ATP8A1: variants seen among roughly 807,000 people sequenced by gnomAD.
The protein encoded by ATP8A1 is ATPase phospholipid transporting 8A1.
Under a neutral mutation model 177.7 loss-of-function variants are expected in ATP8A1, and 90 were observed. The observed-to-expected ratio is 0.51, with a 90% CI of 0.43 to 0.60. The LOEUF (loss-of-function observed/expected upper bound fraction) is 0.60. Among genes scored for constraint, ATP8A1 ranks in the 20% least tolerant of loss-of-function variants. The probability of loss-of-function intolerance (pLI) is 0.00; values close to 1 mark genes in which losing one functional copy is unlikely to be tolerated. For synonymous variants in ATP8A1, 493 were observed against 485.9 expected, an observed-to-expected ratio of 1.01 and a Z score of -0.19; for missense variants, 1,072 against 1,392.8, an observed-to-expected ratio of 0.77 and a Z score of 3.67.
intron 15 of ATP8A1, among the ~76,000 whole-genome samples, chr4:42,558,120 G>C (rs1457997085): frequency 6.6e-6 from 1 of 152,062 alleles, no homozygotes; most frequent in Non-Finnish European, 1.5e-5. Flanking sequence ...AGCCTGGGTT[G>C]GATAACTCTG....
intron 20 of ATP8A1, among the ~76,000 whole-genome samples, chr4:42,537,146 A>AC (rs1553898793): frequency 0.019 from 2,789 of 145,546 alleles, 83 homozygotes; most frequent in African/African-American, 0.066. Context: ...AAAAAAAAAA[A>AC]CAAAAAAACC....
At chr4:42,558,466 T>C (rs775861846) in intron 15 of ATP8A1, among the ~76,000 whole-genome samples, 1 of 152,228 alleles carries the variant, frequency 6.6e-6, no homozygotes, top group African/African-American at 2.4e-5. Context: ...AATTTGCAGC[T>C]TCTTTAGGCT....
chr4:42,418,344 G>C (rs554965882), intron 35 of ATP8A1, among the ~76,000 whole-genome samples: 1 of 129,894 alleles, frequency 7.7e-6, no homozygotes, highest in South Asian at 2.8e-4. Context: ...AAAGAATTAT[G>C]AGTCTCATTA....
intron 4 of ATP8A1, among the ~76,000 whole-genome samples, chr4:42,623,008 T>TAAAAAAA (rs1202733634): frequency 1.6e-5 from 1 of 61,562 alleles, no homozygotes; most frequent in South Asian, 6.2e-4. Flanking sequence ...AAACTCTGTC[T>TAAAAAAA]CAAAAAAAAA....
At chr4:42,601,839 G>A (rs1480396675) in intron 5 of ATP8A1, among the ~76,000 whole-genome samples, 1 of 152,084 alleles carries the variant, frequency 6.6e-6, no homozygotes, top group African/African-American at 2.4e-5. Flanking sequence ...ACCCTCTAAA[G>A]CGATCACAAT....
chr4:42,590,254 C>T (rs147047699), intron 7 of ATP8A1, among the ~76,000 whole-genome samples: 256 of 152,254 alleles, frequency 1.7e-3, no homozygotes, highest in Middle Eastern at 3.4e-3. Context: ...GGATAAAAGT[C>T]GATCCCAAAG....
At chr4:42,486,360 G>T (rs181553026) in intron 24 of ATP8A1, among the ~76,000 whole-genome samples, 1 of 152,300 alleles carries the variant, frequency 6.6e-6, no homozygotes, top group Admixed American at 6.5e-5. Context: ...ACCAGTATAA[G>T]CATGTCGGGG....
At chr4:42,477,076 G>C (rs1721144607) in intron 25 of ATP8A1, among the ~76,000 whole-genome samples, 1 of 152,170 alleles carries the variant, frequency 6.6e-6, no homozygotes, top group African/African-American at 2.4e-5. Flanking sequence ...CAACAGCTAT[G>C]ATGTGAAGGC....
At chr4:42,468,452 CAGACACACACATACACAT>C (rs1560358815) in intron 25 of ATP8A1, among the ~76,000 whole-genome samples, 3 of 146,172 alleles carry the variant, frequency 2.1e-5, no homozygotes, top group Non-Finnish European at 3.0e-5. Flanking sequence ...CACACACACA[CAGACACACACATACACAT>C]ATATGAATGA....
intron 4 of ATP8A1, among the ~76,000 whole-genome samples, chr4:42,617,589 TC>T (rs1467558534): frequency 1.3e-5 from 2 of 152,176 alleles, no homozygotes; most frequent in African/African-American, 2.4e-5. Flanking sequence ...CAAATTTTCA[TC>T]AAAAATAACA....
intron 1 of ATP8A1, among the ~76,000 whole-genome samples, chr4:42,642,810 A>G (rs1740143443): frequency 6.6e-6 from 1 of 152,220 alleles, no homozygotes; most frequent in Non-Finnish European, 1.5e-5. Context: ...CTGCTGGTAT[A>G]CCGTGACCAC....
At chr4:42,651,568 T>C (rs1023765283) in intron 1 of ATP8A1, among the ~76,000 whole-genome samples, 5 of 152,162 alleles carry the variant, frequency 3.3e-5, no homozygotes, top group African/African-American at 9.7e-5. Flanking sequence ...CAACACTGGG[T>C]AATGTGTCCA....
chr4:42,641,005 C>T lies in ATP8A1; in HGVS notation c.50-13896G>A, dbSNP rs561216434. On this transcript the variant is annotated intron_variant, in intron 1 of 36. Coordinates refer to ENST00000381668, the MANE Select transcript of ATP8A1 (RefSeq NM_006095.2). ...AGCAGACGTACAGAGACTTCCCCCT[C>T]ACCAGAAAAAAAAAAAAAAAAAAGA... 2.7e-3 allele frequency among the ~76,000 whole-genome samples: 299 copies of T among 110,284 alleles called. 3 individuals are homozygous for T. Among genetic ancestry groups the T allele is most frequent in the African/African-American group, 0.012 (286 of 24,738 alleles). The allele number at this position is 110,284 out of a possible 152,430, so 72.4% of individuals were successfully genotyped here. A position where few individuals can be genotyped will look rare whatever the true frequency, so the allele number is the denominator to read the frequency against.
At chr4:42,586,543 T>G in intron 8 of ATP8A1, 67 bp from the exon 9 acceptor site, 1 of 1,469,590 alleles carries the variant, frequency 6.8e-7, no homozygotes, top group Non-Finnish European at 9.4e-7. Context: ...AGAGGAGGAA[T>G]TTTGAATTCA....
At chr4:42,538,733 C>T (rs1035870967) in intron 20 of ATP8A1, among the ~76,000 whole-genome samples, 3 of 152,066 alleles carry the variant, frequency 2.0e-5, no homozygotes, top group Non-Finnish European at 4.4e-5. Flanking sequence ...GCAAGAATGG[C>T]CATAATCAAA....
rs552694300 is a variant in ATP8A1 at position 42,453,631 on chromosome 4, G to A, written c.2818-1572C>T. Among the ~76,000 whole-genome samples the A allele has an allele frequency of 4.7e-4, 72 of 152,348 alleles. 1 individual carries two copies. Among genetic ancestry groups the A allele is most frequent in the Non-Finnish European group, 5.9e-4 (40 of 68,032 alleles). On this transcript the variant is annotated intron_variant, in intron 29 of 36. Coordinates refer to ENST00000381668, the MANE Select transcript of ATP8A1 (RefSeq NM_006095.2). ...TCCAAGTTGCCATGTACAGAAGAAT[G>A]TGCCTTTGCAGGAATGATTTGGGGT... is the stretch of plus-strand genomic sequence containing the variant.
intron 14 of ATP8A1, 32 bp downstream of exon 14, chr4:42,574,587 A>G (rs1732244432): frequency 5.2e-6 from 8 of 1,536,800 alleles, no homozygotes; most frequent in Non-Finnish European, 7.2e-6. Context: ...TTAAGCATGT[A>G]TTTCATATCC....
At chr4:42,584,730 A>G (rs550895207) in intron 9 of ATP8A1, among the ~76,000 whole-genome samples, 23 of 152,278 alleles carry the variant, frequency 1.5e-4, no homozygotes, top group Non-Finnish European at 2.6e-4. Context: ...ATGGCTTTAA[A>G]TATCTATGCC....
intron 16 of ATP8A1, among the ~76,000 whole-genome samples, chr4:42,554,516 A>G (rs1729851335): frequency 6.6e-6 from 1 of 152,182 alleles, no homozygotes; most frequent in Admixed American, 6.5e-5. Context: ...AAAGAGAGAT[A>G]CAAAAACACC....
Sources: gnomAD v4.1 joint callset for allele counts (sites outside exome capture counted in the v4.1 genomes callset) on GRCh38, gnomAD v4.1.1 for gene constraint, MANE v1.5 for transcripts, NCBI Gene and HGNC (gene_info 2026-07-23, HGNC 2026-07-21) for gene names.